CACNA1S: variants seen among roughly 807,000 people sequenced by gnomAD.
CACNA1S encodes calcium voltage-gated channel subunit alpha1 S.
A neutral mutation model predicts 207.4 loss-of-function variants in CACNA1S; 126 were observed. The ratio of observed to expected loss-of-function variants is 0.61; its 90% CI spans 0.53 to 0.70. The LOEUF (loss-of-function observed/expected upper bound fraction) is 0.70, where lower values mean the gene tolerates loss of function less well. Among genes scored for constraint, CACNA1S ranks in the 30% least tolerant of loss-of-function variants. The pLI, the probability that CACNA1S is intolerant of heterozygous loss-of-function variation, is 0.00. For synonymous variants in CACNA1S, 960 were observed against 932.7 expected (o/e 1.03, Z -0.53); for missense variants, 2,349 against 2,422.8 (o/e 0.97, Z 0.64).
Position 201,039,853 on chromosome 1 carries a change from G to A in CACNA1S, c.5600C>T (p.Thr1867Ile), listed in dbSNP as rs1178324349. Residue 1867 changes from threonine (T) to isoleucine (I), a missense_variant, in exon 44 of 44, where the codon ACC (threonine) becomes ATC (isoleucine). Thr to Ile is a moderately conservative substitution (Grantham distance 89). Coordinates refer to ENST00000362061, the MANE Select transcript of CACNA1S (RefSeq NM_000069.3). ...SLDQHQGSQE[T>I]LIPPRL ...GCATCACAGCCTTGGAGGAATAAGG[G>A]TCTCCTGGGAGCCCTGGTGTTGGTC... 6.2e-7 allele frequency: 1 copy of A among 1,607,370 alleles called. No homozygotes were observed. Among genetic ancestry groups the A allele is most frequent in the Non-Finnish European group, 8.5e-7 (1 of 1,180,020 alleles).
chr1:201,044,317 C>T lies in CACNA1S; in HGVS notation c.4797+11G>A, dbSNP rs1289155241. The T allele has an allele frequency of 1.2e-6, 2 of 1,613,158 alleles. No homozygotes were observed. The highest frequency in any genetic ancestry group is 3.3e-5 in the Admixed American group (2 of 60,010). ...TCTAGACCACTAGGGGTGCTCCTGG[C>T]TCTCCCTCACCCGGAATATTCCCTC... On this transcript the variant is annotated intron_variant, in intron 39 of 43. Coordinates refer to ENST00000362061, the MANE Select transcript of CACNA1S (RefSeq NM_000069.3).
At chr1:201,069,240 G>A (rs919160874) in intron 18 of CACNA1S, 44 bp from the exon 19 acceptor site, 1 of 1,566,782 alleles carries the variant, frequency 6.4e-7, no homozygotes, top group Non-Finnish European at 8.8e-7. Flanking sequence ...AGAGGAGGAG[G>A]GGGCAACAGT....
At position 201,110,170 on chromosome 1, in the gene CACNA1S, G is replaced by A. The variant is rs112868209; in HGVS notation, c.252C>T (p.Leu84=). The A allele has an allele frequency of 1.0e-3, 1,667 of 1,614,066 alleles. 11 individuals are homozygous for A. In the African/African-American group the frequency reaches 0.019, roughly 19 times the overall value. The change falls in exon 2 of 44, where the codon CTC becomes CTT. Residue 84 remains leucine, a synonymous_variant. Transcript: ENST00000362061. ...ATGGAAGGGCCAATCTTACCAGGCC[G>A]AGGTTCAGAGAGTTGTTGTCATCTT... ...MPEDDNNSLN[L]GLEKLEYFFL... is the part of the protein sequence containing the mutation.
At chr1:201,062,887 C>T (rs148314573) in intron 22 of CACNA1S, among the ~76,000 whole-genome samples, 2 of 152,216 alleles carry the variant, frequency 1.3e-5, no homozygotes, top group Admixed American at 1.3e-4. Context: ...CCTCTGAGCC[C>T]CTTACCTCCC....
chr1:201,082,946 G>T (rs1661889845), intron 10 of CACNA1S, among the ~76,000 whole-genome samples: 1 of 152,164 alleles, frequency 6.6e-6, no homozygotes, highest in African/African-American at 2.4e-5. Context: ...GAGGAAAATT[G>T]GGTATGTTGC....
intron 42 of CACNA1S, 83 bp from the exon 43 acceptor site, chr1:201,040,457 A>C: frequency 6.4e-7 from 1 of 1,553,084 alleles, no homozygotes; most frequent in Admixed American, 1.7e-5. Context: ...ATCTGAGGGC[A>C]ACTCAACCAA....
At chr1:201,052,059 G>A (rs989528331) in intron 32 of CACNA1S, among the ~76,000 whole-genome samples, 17 of 152,160 alleles carry the variant, frequency 1.1e-4, no homozygotes, top group African/African-American at 4.1e-4. Context: ...CTCCCACCTG[G>A]CTCCTGCACG....
At chr1:201,043,705 G>A (rs1244340976) in intron 39 of CACNA1S, among the ~76,000 whole-genome samples, 174 bp from the exon 40 acceptor site, 1 of 152,134 alleles carries the variant, frequency 6.6e-6, no homozygotes, top group Non-Finnish European at 1.5e-5. Flanking sequence ...CCCACCCTTA[G>A]AAAGTTCTTT....
chr1:201,040,533 C>T, intron 42 of CACNA1S, 89 bp downstream of exon 42: 1 of 1,434,980 alleles, frequency 7.0e-7, no homozygotes. Context: ...ATTGCTGCCA[C>T]AGCCTTCCCC....
intron 7 of CACNA1S, among the ~76,000 whole-genome samples, 171 bp downstream of exon 7, chr1:201,087,655 C>A (rs1662080479): frequency 6.6e-6 from 1 of 152,140 alleles, no homozygotes; most frequent in African/African-American, 2.4e-5. Flanking sequence ...GAGGGCCTGA[C>A]TCACAGCCCC....
At chr1:201,087,991 C>T (rs1662094602) in intron 6 of CACNA1S, 62 bp from the exon 7 acceptor site, 1 of 1,044,944 alleles carries the variant, frequency 9.6e-7, no homozygotes, top group Non-Finnish European at 1.5e-6. Flanking sequence ...CCCAAGTCTG[C>T]TCATTAAGAC....
chr1:201,086,857 A>G (rs1662054546), intron 7 of CACNA1S, among the ~76,000 whole-genome samples: 1 of 152,240 alleles, frequency 6.6e-6, no homozygotes, highest in Non-Finnish European at 1.5e-5. Flanking sequence ...CATGATTTCT[A>G]TTAGGACAAG....
intron 26 of CACNA1S, among the ~76,000 whole-genome samples, chr1:201,059,900 A>G (rs1286503051): frequency 6.6e-6 from 1 of 152,198 alleles, no homozygotes; most frequent in Non-Finnish European, 1.5e-5. Context: ...TTTATTAGAA[A>G]GTGGATGAAA....
At chr1:201,110,877 G>C (rs569780604) in intron 1 of CACNA1S, among the ~76,000 whole-genome samples, 2 of 152,324 alleles carry the variant, frequency 1.3e-5, no homozygotes, top group South Asian at 4.1e-4. Context: ...CAGGCCCATG[G>C]CTTTCTCGAC....
intron 2 of CACNA1S, among the ~76,000 whole-genome samples, chr1:201,098,147 G>A (rs1662505070): frequency 6.6e-6 from 1 of 152,168 alleles, no homozygotes; most frequent in South Asian, 2.1e-4. Flanking sequence ...TTGAGAGCAG[G>A]GACTTAGCTC....
chr1:201,078,888 C>T (rs61818019), intron 10 of CACNA1S, among the ~76,000 whole-genome samples: 8,224 of 152,010 alleles, frequency 0.054, 324 homozygotes, highest in Non-Finnish European at 0.078. Context: ...TTTGGGAGGT[C>T]GAGGCGGGTG....
At chr1:201,048,882 T>C (rs186081631) in intron 35 of CACNA1S, 121 bp downstream of exon 35, 7 of 894,070 alleles carry the variant, frequency 7.8e-6, no homozygotes, top group Middle Eastern at 3.0e-4. Context: ...TGGGAGGAAC[T>C]TGGGGACCCA....
At chr1:201,041,652 T>G in intron 40 of CACNA1S, 63 bp from the exon 41 acceptor site, 1 of 1,227,246 alleles carries the variant, frequency 8.1e-7, no homozygotes, top group Non-Finnish European at 1.2e-6. Context: ...CATCCCTGCC[T>G]CTCTGGCCCC....
chr1:201,047,013 A>G (rs916971825), intron 38 of CACNA1S, 102 bp downstream of exon 38: 1 of 1,474,074 alleles, frequency 6.8e-7, no homozygotes, highest in Non-Finnish European at 9.5e-7. Flanking sequence ...TTTTCCCTCT[A>G]TGTCTCCATC....
Sources: gnomAD v4.1 joint callset for allele counts (sites outside exome capture counted in the v4.1 genomes callset) on GRCh38, gnomAD v4.1.1 for gene constraint, MANE v1.5 for transcripts, NCBI Gene and HGNC (gene_info 2026-07-23, HGNC 2026-07-21) for gene names.